Variants in CPE observed in about 807,000 individuals in gnomAD.
The protein encoded by CPE is carboxypeptidase E, also known as carbocypeptidase E.
Under a neutral mutation model 53.5 loss-of-function variants are expected in CPE, and 17 were observed. That is an observed-to-expected ratio of 0.32 (90% CI 0.22 to 0.48). CPE has a LOEUF of 0.48. Ranked by LOEUF, CPE falls within the 20% of genes least tolerant of loss-of-function variation. The pLI is 0.99. For synonymous variants in CPE, 226 were observed against 228.8 expected (o/e 0.99, Z 0.11); for missense variants, 524 against 614.7 (o/e 0.85, Z 1.56).
rs554021167 is a variant in CPE at position 165,379,040 on chromosome 4, C to T, written c.-182C>T. The T allele has an allele frequency of 1.1e-5, 5 of 459,106 alleles. No homozygotes were observed. Among genetic ancestry groups the T allele is most frequent in the Admixed American group, 9.5e-5 (2 of 21,136 alleles). 28.4% of individuals were successfully genotyped at this position (459,106 alleles called of 1,614,324 possible). A position where few individuals can be genotyped will look rare whatever the true frequency, so the allele number is the denominator to read the frequency against. On this transcript the variant is annotated 5_prime_UTR_variant, in exon 1 of 9. Coordinates refer to ENST00000402744, the MANE Select transcript of CPE (RefSeq NM_001873.4). The surrounding 1 kb of genome is among the most constrained non-coding windows in gnomAD (Gnocchi z 6.0). ...CAGCCCGTGGAGCCGCGGCTTTGCC[C>T]GTCTCCTCTGGGTGGCCCCAGTGCG...
chr4:165,396,996 G>T (rs2126658828), intron 1 of CPE, among the ~76,000 whole-genome samples: 1 of 152,260 alleles, frequency 6.6e-6, no homozygotes, highest in East Asian at 1.9e-4. Context: ...AGGAGGTTGA[G>T]GCTGCAGTGA....
At chr4:165,415,772 T>C (rs1278048311) in intron 1 of CPE, among the ~76,000 whole-genome samples, 1 of 147,142 alleles carries the variant, frequency 6.8e-6, no homozygotes, top group East Asian at 2.0e-4. Context: ...ATTACATACA[T>C]ACATATAGTA....
chr4:165,423,968 T>C (rs1262540047), intron 1 of CPE, among the ~76,000 whole-genome samples: 1 of 152,060 alleles, frequency 6.6e-6, no homozygotes, highest in Non-Finnish European at 1.5e-5. Context: ...ACAAAGGACA[T>C]GAACTCATCA....
chr4:165,458,277 A>G (rs1347718391), intron 1 of CPE, among the ~76,000 whole-genome samples: 3 of 152,204 alleles, frequency 2.0e-5, no homozygotes, highest in Non-Finnish European at 4.4e-5. Context: ...TGCACATTTC[A>G]TCATGATATC....
At chr4:165,453,354 T>TTC (rs796527765) in intron 1 of CPE, among the ~76,000 whole-genome samples, 1,623 of 148,926 alleles carry the variant, frequency 0.011, 26 homozygotes, top group African/African-American at 0.036. Flanking sequence ...CTTCCTTCCT[T>TTC]TCTCTCTCTC....
At chr4:165,405,640 ACTT>A (rs1730941124) in intron 1 of CPE, 6 of 780,174 alleles carry the variant, frequency 7.7e-6, no homozygotes, top group South Asian at 5.4e-5. Context: ...AGTAATTGCA[ACTT>A]CTTCTAGGTA....
chr4:165,469,893 G>T (rs973026555), intron 3 of CPE, among the ~76,000 whole-genome samples: 1 of 152,160 alleles, frequency 6.6e-6, no homozygotes, highest in African/African-American at 2.4e-5. Context: ...CATGGGGTTG[G>T]GATGCTGGAT....
chr4:165,402,731 A>G (rs1333451209), intron 1 of CPE, among the ~76,000 whole-genome samples: 3 of 152,146 alleles, frequency 2.0e-5, no homozygotes, highest in Non-Finnish European at 2.9e-5. Context: ...TCTTTTCTTT[A>G]TAAATTACTC....
chr4:165,440,393 G>A (rs1731586781), intron 1 of CPE, among the ~76,000 whole-genome samples: 1 of 150,536 alleles, frequency 6.6e-6, no homozygotes, highest in Non-Finnish European at 1.5e-5. Flanking sequence ...CATTTGCAGA[G>A]AAATTAATCA....
chr4:165,397,805 C>T (rs1730793331), intron 1 of CPE, among the ~76,000 whole-genome samples: 1 of 151,580 alleles, frequency 6.6e-6, no homozygotes, highest in South Asian at 2.1e-4. Context: ...CTTTGGGAGG[C>T]CAACGTGGGA....
At chr4:165,487,357 G>A (rs1387805940) in intron 5 of CPE, 81 bp from the exon 6 acceptor site, 42 of 1,569,146 alleles carry the variant, frequency 2.7e-5, no homozygotes, top group Non-Finnish European at 3.5e-5. Context: ...CTTTTACTTG[G>A]TTCTTGATTC....
intron 5 of CPE, among the ~76,000 whole-genome samples, chr4:165,486,805 A>T (rs984130667): frequency 6.6e-6 from 1 of 152,116 alleles, no homozygotes; most frequent in Non-Finnish European, 1.5e-5. Flanking sequence ...CTCTGTGCTT[A>T]TCAATATCCC....
intron 1 of CPE, among the ~76,000 whole-genome samples, chr4:165,386,980 A>T (rs1334686470): frequency 6.6e-6 from 1 of 152,218 alleles, no homozygotes; most frequent in African/African-American, 2.4e-5. Flanking sequence ...AATGAACTTA[A>T]ATTTGAAACA....
rs551687415 is a variant in CPE, at chr4:165,481,943, T to C, written c.673-299T>C. 2.6e-5 allele frequency among the ~76,000 whole-genome samples: 4 copies of C among 152,298 alleles called. No individual in the cohort carries two copies. The South Asian group carries it at 8.3e-4, about 32-fold the overall frequency. On this transcript the variant is annotated intron_variant, in intron 3 of 8. Transcript: ENST00000402744. ...GATCAGACAGCGATGTCCCAAAATT[T>C]GTGAGTTGCATGCTGGTTTTCAAGT...
chr4:165,494,142 C>G (rs1267919334), intron 7 of CPE, among the ~76,000 whole-genome samples: 7 of 152,144 alleles, frequency 4.6e-5, no homozygotes, highest in Non-Finnish European at 1.0e-4. Flanking sequence ...TATCAACAGC[C>G]CACTAGGTGC....
intron 1 of CPE, among the ~76,000 whole-genome samples, chr4:165,451,470 G>A (rs1043691037): frequency 2.0e-5 from 3 of 148,428 alleles, no homozygotes; most frequent in Non-Finnish European, 4.5e-5. Flanking sequence ...CAGCAGAAGA[G>A]GTTTTATTAT....
chr4:165,431,971 C>T (rs2126680059), intron 1 of CPE, among the ~76,000 whole-genome samples: 1 of 151,942 alleles, frequency 6.6e-6, no homozygotes, highest in African/African-American at 2.4e-5. Flanking sequence ...TTCTTTTCCT[C>T]TTACCCCACC....
At chr4:165,415,983 G>A (rs10517845) in intron 1 of CPE, among the ~76,000 whole-genome samples, 47,604 of 151,830 alleles carry the variant, frequency 0.31, 7,560 homozygotes, top group Middle Eastern at 0.41. Flanking sequence ...ATATAAAACC[G>A]GGAATTAGAA....
At chr4:165,418,624 G>C (rs912897099) in intron 1 of CPE, among the ~76,000 whole-genome samples, 1 of 152,138 alleles carries the variant, frequency 6.6e-6, no homozygotes, top group Non-Finnish European at 1.5e-5. Flanking sequence ...ATTATAAAAC[G>C]TGTTTTGTTT....
Sources: allele counts gnomAD v4.1 joint callset (sites outside exome capture counted in the v4.1 genomes callset), GRCh38; gene constraint gnomAD v4.1.1; non-coding constraint Gnocchi (gnomAD v3.1); transcripts MANE v1.5; gene names NCBI Gene and HGNC (gene_info 2026-07-23, HGNC 2026-07-21).